Variants in LEMD1 observed in about 807,000 individuals in gnomAD.
LEMD1 encodes the protein LEM domain containing 1, also known as LEM domain-containing protein 1.
A neutral mutation model predicts 17.4 loss-of-function variants in LEMD1; 18 were observed. The observed-to-expected ratio is 1.04, with a 90% CI of 0.72 to 1.54. LEMD1 has a LOEUF of 1.54. Among genes scored for constraint, LEMD1 ranks in the 40% most tolerant of loss-of-function variants. The probability of loss-of-function intolerance (pLI) is 0.00; values close to 1 mark genes in which losing one functional copy is unlikely to be tolerated. For synonymous variants in LEMD1, 88 were observed against 77.8 expected, an observed-to-expected ratio of 1.13 and a Z score of -0.69; for missense variants, 195 against 210.4, an observed-to-expected ratio of 0.93 and a Z score of 0.45.
At chr1:205,409,774 ATTT>A (rs113455474) in intron 4 of LEMD1, among the ~76,000 whole-genome samples, 2 of 116,326 alleles carry the variant, frequency 1.7e-5, no homozygotes, top group African/African-American at 3.4e-5. Flanking sequence ...CAGTTAATTA[ATTT>A]TTTTTTTTTT....
intron 4 of LEMD1, among the ~76,000 whole-genome samples, chr1:205,408,860 C>CAAA (rs140180865): frequency 0.31 from 46,498 of 151,554 alleles, 7,438 homozygotes; most frequent in African/African-American, 0.38. Flanking sequence ...GTGACTTAAA[C>CAAA]AAACAACAAC....
chr1:205,422,573 T>C (rs1374025629), upstream of LEMD1, among the ~76,000 whole-genome samples: 1 of 152,252 alleles, frequency 6.6e-6, no homozygotes, highest in Non-Finnish European at 1.5e-5. Context: ...CACTTCATCC[T>C]CTGGATACTC....
chr1:205,397,578 G>A (rs1017906193), intron 4 of LEMD1, among the ~76,000 whole-genome samples: 11 of 152,140 alleles, frequency 7.2e-5, no homozygotes, highest in Non-Finnish European at 1.6e-4. Context: ...GAGATAGAGT[G>A]AGACCCTGTC....
intron 4 of LEMD1, among the ~76,000 whole-genome samples, chr1:205,393,572 G>A (rs1347831903): frequency 6.6e-6 from 1 of 151,798 alleles, no homozygotes; most frequent in East Asian, 1.9e-4. Flanking sequence ...GCTGCTTGCA[G>A]GGCTGAGGCA....
At chr1:205,394,543 C>T (rs1433224677) in intron 4 of LEMD1, among the ~76,000 whole-genome samples, 2 of 151,944 alleles carry the variant, frequency 1.3e-5, no homozygotes, top group Non-Finnish European at 2.9e-5. Flanking sequence ...CACCACCAAA[C>T]CCAGCTAATT....
At chr1:205,393,791 C>CT (rs1664453073) in intron 4 of LEMD1, among the ~76,000 whole-genome samples, 1 of 150,070 alleles carries the variant, frequency 6.7e-6, no homozygotes, top group Non-Finnish European at 1.5e-5. Context: ...CAGTTTGGTA[C>CT]TTTCTCCGAA....
At chr1:205,410,589 G>C (rs1165458437) in intron 4 of LEMD1, among the ~76,000 whole-genome samples, 1 of 152,156 alleles carries the variant, frequency 6.6e-6, no homozygotes, top group Non-Finnish European at 1.5e-5. Context: ...GTAAGTCCCT[G>C]CCCCACCCCC....
chr1:205,421,150 A>G lies in LEMD1; in HGVS notation c.-38-576T>C, dbSNP rs370562776. Among the ~76,000 whole-genome samples the G allele has an allele frequency of 5.9e-5, 9 of 152,286 alleles. No individual in the cohort carries two copies. In the East Asian group the frequency reaches 1.5e-3, roughly 26 times the overall value. Reference sequence around the variant, plus strand: ...AGTAATTGCTGAATTGGCATTTGAAAAAAAGTCAGCTATTCATTCTCTGGC... The same window carrying G: ...AGTAATTGCTGAATTGGCATTTGAAGAAAAGTCAGCTATTCATTCTCTGGC... On this transcript the variant is annotated intron_variant, in intron 1 of 5. Coordinates refer to ENST00000367153, the MANE Select transcript of LEMD1 (RefSeq NM_001199050.2).
At chr1:205,444,980 C>CG (rs1359850514) in intron 1 of LEMD1, among the ~76,000 whole-genome samples, 2 of 151,846 alleles carry the variant, frequency 1.3e-5, no homozygotes, top group Admixed American at 6.6e-5. Context: ...CTGAGCCCTC[C>CG]GCCCCCTCCC....
chr1:205,438,620 T>C (rs1666245595), intron 1 of LEMD1, among the ~76,000 whole-genome samples: 1 of 152,178 alleles, frequency 6.6e-6, no homozygotes, highest in Non-Finnish European at 1.5e-5. Context: ...TGTGCCTGGC[T>C]AGAAGCTGCT....
rs1407471377 is a variant in LEMD1, at chr1:205,396,084, T to C, written c.271-11720A>G. On this transcript the variant is annotated intron_variant, in intron 4 of 5. Coordinates refer to ENST00000367153, the MANE Select transcript of LEMD1 (RefSeq NM_001199050.2). ...ATGCAGTGGCAGGATCAAAGCTCAT[T>C]GTAGCCTTGAACTCCCAGGCTCAAG... Among the ~76,000 whole-genome samples, 4 of 152,280 alleles carry C rather than the reference T, an allele frequency of 2.6e-5. No homozygotes were observed. The East Asian group carries it at 7.7e-4, about 29-fold the overall frequency.
intron 1 of LEMD1, among the ~76,000 whole-genome samples, chr1:205,439,882 G>A (rs1666265063): frequency 6.6e-6 from 1 of 151,124 alleles, no homozygotes; most frequent in African/African-American, 2.4e-5. Context: ...AAGAGGGAAG[G>A]AAATGCTTTT....
intron 4 of LEMD1, among the ~76,000 whole-genome samples, chr1:205,410,409 A>G (rs1045478109): frequency 2.0e-5 from 3 of 152,224 alleles, no homozygotes; most frequent in Non-Finnish European, 4.4e-5. Context: ...TGTTGCAACC[A>G]TTCCCTGAAT....
intron 4 of LEMD1, among the ~76,000 whole-genome samples, chr1:205,408,231 A>AGGATCATATG (rs1558724925): frequency 2.0e-5 from 3 of 152,066 alleles, no homozygotes; most frequent in Non-Finnish European, 4.4e-5. Flanking sequence ...GTTATGTAGG[A>AGGATCATATG]GAGTGTCCTT....
chr1:205,429,825 G>A (rs1575003074), intron 1 of LEMD1, among the ~76,000 whole-genome samples: 4 of 152,188 alleles, frequency 2.6e-5, no homozygotes, highest in Non-Finnish European at 5.9e-5. Context: ...TCATTGTCTG[G>A]GAATGAATCC....
At chr1:205,398,382 G>A (rs534512484) in intron 4 of LEMD1, among the ~76,000 whole-genome samples, 6 of 152,332 alleles carry the variant, frequency 3.9e-5, no homozygotes, top group Admixed American at 2.6e-4. Flanking sequence ...CACTAGGCCT[G>A]CTGGTGGCAG....
In LEMD1 at chr1:205,406,198, C is replaced by G. The variant is rs578184681; in HGVS notation, c.270+10034G>C. 1.7e-4 allele frequency among the ~76,000 whole-genome samples: 26 copies of G among 152,320 alleles called. No individual in the cohort carries two copies. In the South Asian group the frequency reaches 4.1e-3, roughly 24 times the overall value. ...AGGCAGTCTGCCCATTCTCAGATCT[C>G]CAGCTGCGTACTGGGAGAACCACTG... On this transcript the variant is annotated intron_variant, in intron 4 of 5. Coordinates refer to ENST00000367153, the MANE Select transcript of LEMD1 (RefSeq NM_001199050.2).
At chr1:205,405,323 G>A (rs1169031720) in intron 4 of LEMD1, among the ~76,000 whole-genome samples, 7 of 149,954 alleles carry the variant, frequency 4.7e-5, no homozygotes, top group Middle Eastern at 3.4e-3. Flanking sequence ...CATTCTCCCC[G>A]TCACTTTCAG....
At chr1:205,413,041 C>G (rs561235812) in intron 4 of LEMD1, among the ~76,000 whole-genome samples, 1 of 152,298 alleles carries the variant, frequency 6.6e-6, no homozygotes, top group East Asian at 1.9e-4. Context: ...ATTACTTCAT[C>G]AAATTTGAAC....
Sources: gnomAD v4.1 joint callset for allele counts (sites outside exome capture counted in the v4.1 genomes callset) on GRCh38, gnomAD v4.1.1 for gene constraint, MANE v1.5 for transcripts, NCBI Gene and HGNC (gene_info 2026-07-23, HGNC 2026-07-21) for gene names.